The following IQCM variants were observed in gnomAD, a reference collection of about 807,000 sequenced individuals.
The protein encoded by IQCM is IQ domain-containing protein M.
A neutral mutation model predicts 57.6 loss-of-function variants in IQCM; 45 were observed. The observed-to-expected ratio is 0.78, with a 90% CI of 0.62 to 1.00. The LOEUF (loss-of-function observed/expected upper bound fraction) is 1.00. Ranked by LOEUF, IQCM falls within the 50% of genes least tolerant of loss-of-function variation. The probability of loss-of-function intolerance (pLI) is 0.00; values close to 1 mark genes in which losing one functional copy is unlikely to be tolerated. For missense variants in IQCM, 468 were observed against 511.6 expected, an observed-to-expected ratio of 0.91 and a Z score of 0.82; for synonymous variants, 148 against 158.9, an observed-to-expected ratio of 0.93 and a Z score of 0.51.
chr4:149,626,999 C>T (rs932815064), intron 7 of IQCM, among the ~76,000 whole-genome samples: 1 of 152,112 alleles, frequency 6.6e-6, no homozygotes, highest in African/African-American at 2.4e-5. Context: ...ATAACTGATT[C>T]CCTTTTCCTA....
intron 8 of IQCM, among the ~76,000 whole-genome samples, chr4:149,610,897 C>CA (rs1167229933): frequency 7.9e-5 from 12 of 151,998 alleles, no homozygotes; most frequent in African/African-American, 2.9e-4. Flanking sequence ...AAAGCTGCTT[C>CA]ACAGCAAAGA....
At chr4:149,724,257 C>T (rs772550573) in intron 5 of IQCM, among the ~76,000 whole-genome samples, 13 of 151,974 alleles carry the variant, frequency 8.6e-5, no homozygotes, top group African/African-American at 1.2e-4. Flanking sequence ...GTTTCATAAA[C>T]ATTGTTGATC....
At chr4:149,649,327 T>C (rs1038182502) in intron 7 of IQCM, among the ~76,000 whole-genome samples, 57 of 152,068 alleles carry the variant, frequency 3.7e-4, no homozygotes, top group African/African-American at 1.3e-3. Flanking sequence ...ATCTCCAACA[T>C]GGATAGACCC....
chr4:149,368,858 A>T (rs1218017306), intron 13 of IQCM, among the ~76,000 whole-genome samples: 1 of 84,540 alleles, frequency 1.2e-5, no homozygotes, highest in Admixed American at 1.2e-4. Flanking sequence ...ATATACATGT[A>T]TATATATACA....
At chr4:149,682,970 A>G (rs929734459) in intron 6 of IQCM, among the ~76,000 whole-genome samples, 3 of 151,208 alleles carry the variant, frequency 2.0e-5, no homozygotes, top group African/African-American at 7.3e-5. Context: ...CATATGGAAT[A>G]TATTTCATTC....
Position 149,585,088 on chromosome 4 carries a change from CT to C in IQCM, c.749+2841del, listed in dbSNP as rs527717283. Among the ~76,000 whole-genome samples the C allele has an allele frequency of 2.6e-5, 4 of 151,796 alleles. 1 individual carries two copies. The South Asian group carries it at 6.2e-4, about 24-fold the overall frequency. ...GGTATGTGTAAATTAATTCCATCATCTTTTTTTCTATAACCAAGAAGAGATG... is the reference window on the plus strand; with the variant it reads ...GGTATGTGTAAATTAATTCCATCATCTTTTTTCTATAACCAAGAAGAGATG... On this transcript the variant is annotated intron_variant, in intron 9 of 13. Coordinates refer to ENST00000636793, the MANE Select transcript of IQCM (RefSeq NM_001363507.2).
intron 5 of IQCM, among the ~76,000 whole-genome samples, chr4:149,721,946 CCAA>C (rs1296133219): frequency 2.0e-5 from 3 of 152,090 alleles, no homozygotes; most frequent in Non-Finnish European, 4.4e-5. Context: ...CACATCTGTG[CCAA>C]CATCTATTGT....
chr4:149,684,293 T>C (rs1030576166), intron 6 of IQCM, among the ~76,000 whole-genome samples: 35 of 151,336 alleles, frequency 2.3e-4, no homozygotes, highest in African/African-American at 6.8e-4. Flanking sequence ...TAGACAAGTT[T>C]AGAAAAGGGA....
At chr4:149,526,526 C>A (rs888478343) in intron 12 of IQCM, among the ~76,000 whole-genome samples, 1 of 151,798 alleles carries the variant, frequency 6.6e-6, no homozygotes, top group African/African-American at 2.4e-5. Flanking sequence ...AAAAATGGCT[C>A]CTCAAATAAT....
At chr4:149,494,126 A>G (rs1424767306) in intron 12 of IQCM, among the ~76,000 whole-genome samples, 1 of 152,034 alleles carries the variant, frequency 6.6e-6, no homozygotes, top group African/African-American at 2.4e-5. Flanking sequence ...CGATACCCAC[A>G]ATAAGATTCA....
At chr4:149,405,982 G>C in intron 13 of IQCM, among the ~76,000 whole-genome samples, 1 of 147,906 alleles carries the variant, frequency 6.8e-6, no homozygotes, top group African/African-American at 2.5e-5. Flanking sequence ...CCTCTATTTT[G>C]ATATTATCAT....
At chr4:149,484,199 G>A (rs541676009) in intron 12 of IQCM, among the ~76,000 whole-genome samples, 17 of 151,988 alleles carry the variant, frequency 1.1e-4, no homozygotes, top group Admixed American at 2.6e-4. Context: ...TATCTTGACA[G>A]GTGAAGTATG....
chr4:149,377,297 A>T (rs1004135502), intron 13 of IQCM, among the ~76,000 whole-genome samples: 7 of 152,192 alleles, frequency 4.6e-5, no homozygotes, highest in Non-Finnish European at 1.0e-4. Flanking sequence ...CAAGACATAA[A>T]GCAATTACTA....
rs548997354 is a variant in IQCM, at chr4:149,417,579, C to A, written c.1390+15817G>T. Reference sequence around the variant, plus strand: ...ATGTGACTAAATTAGAAACATAATTCATTATACATCACAGTGGACATTTTT... The same window carrying A: ...ATGTGACTAAATTAGAAACATAATTAATTATACATCACAGTGGACATTTTT... On this transcript the variant is annotated intron_variant, in intron 13 of 13. Coordinates refer to ENST00000636793, the MANE Select transcript of IQCM (RefSeq NM_001363507.2). Among the ~76,000 whole-genome samples the A allele has an allele frequency of 3.3e-5, 5 of 152,146 alleles. No homozygotes were observed. In the South Asian group the frequency reaches 1.0e-3, roughly 32 times the overall value.
chr4:149,520,219 ATTTTTTTT>A (rs538952958), intron 12 of IQCM, among the ~76,000 whole-genome samples: 1 of 126,720 alleles, frequency 7.9e-6, no homozygotes, highest in Admixed American at 8.0e-5. Flanking sequence ...GGTGGGCACC[ATTTTTTTT>A]TTTTTTTTTT....
At position 149,681,331 on chromosome 4, in the gene IQCM, T is replaced by C. The variant is rs949449145; in HGVS notation, c.565+787A>G. On this transcript the variant is annotated intron_variant, in intron 7 of 13. Coordinates refer to ENST00000636793, the MANE Select transcript of IQCM (RefSeq NM_001363507.2). ...AAAGAATTTAAGCTCTGAACCAATG[T>C]AACAATCAAAATTGTAAAATACATC... is the stretch of plus-strand genomic sequence containing the variant. Among the ~76,000 whole-genome samples the C allele has an allele frequency of 2.6e-5, 4 of 151,416 alleles. No homozygotes were observed. In the East Asian group the frequency reaches 7.8e-4, roughly 29 times the overall value.
chr4:149,738,057 T>C (rs191522670), intron 3 of IQCM, among the ~76,000 whole-genome samples: 1 of 152,300 alleles, frequency 6.6e-6, no homozygotes, highest in Admixed American at 6.5e-5. Flanking sequence ...TCATGTCTTA[T>C]TTCAGACAAG....
intron 12 of IQCM, among the ~76,000 whole-genome samples, chr4:149,513,792 A>T (rs1488659588): frequency 6.6e-6 from 1 of 152,142 alleles, no homozygotes; most frequent in Non-Finnish European, 1.5e-5. Flanking sequence ...GCCAAAGGGA[A>T]CATTGGTTGT....
At chr4:149,650,405 T>A (rs898217926) in intron 7 of IQCM, among the ~76,000 whole-genome samples, 2 of 44,992 alleles carry the variant, frequency 4.4e-5, no homozygotes, top group South Asian at 7.7e-4. Context: ...AATTTCTGGG[T>A]TTTTTTTTTT....
Sources: gnomAD v4.1 joint callset for allele counts (sites outside exome capture counted in the v4.1 genomes callset) on GRCh38, gnomAD v4.1.1 for gene constraint, MANE v1.5 for transcripts, NCBI Gene and HGNC (gene_info 2026-07-23, HGNC 2026-07-21) for gene names.